MRPL48: variants seen among roughly 807,000 people sequenced by gnomAD.
MRPL48 encodes large ribosomal subunit protein mL48.
Under a neutral mutation model 32.9 loss-of-function variants are expected in MRPL48, and 16 were observed. That is an observed-to-expected ratio of 0.49 (90% CI 0.33 to 0.74). MRPL48 has a LOEUF of 0.74. MRPL48 is among the 30% of genes least tolerant of loss of function. The pLI is 0.02. For missense variants in MRPL48, 206 were observed against 245.3 expected, an observed-to-expected ratio of 0.84 and a Z score of 1.07; for synonymous variants, 94 against 89.2, an observed-to-expected ratio of 1.05 and a Z score of -0.31.
intron 4 of MRPL48, among the ~76,000 whole-genome samples, chr11:73,835,428 C>T (rs955044981): frequency 6.6e-6 from 1 of 152,324 alleles, no homozygotes; most frequent in South Asian, 2.1e-4. Flanking sequence ...GCGTGAGCCA[C>T]CGCGCCCACC....
At chr11:73,816,032 T>C (rs142419598) in intron 3 of MRPL48, among the ~76,000 whole-genome samples, 204 of 151,602 alleles carry the variant, frequency 1.3e-3, no homozygotes, top group African/African-American at 4.9e-3. Flanking sequence ...GGCTTGGAAC[T>C]ACTTTTTATT....
At chr11:73,845,094 T>C (rs1177729130) in intron 5 of MRPL48, 118 bp downstream of exon 5, 1 of 997,630 alleles carries the variant, frequency 1.0e-6, no homozygotes, top group Non-Finnish European at 1.4e-6. Flanking sequence ...TTTTTAGTTA[T>C]ATAATGTACT....
At chr11:73,860,611 ATGATGGG>A (rs923096381) in intron 6 of MRPL48, 1 of 152,244 alleles carries the variant, frequency 6.6e-6, no homozygotes, top group Non-Finnish European at 1.5e-5. Context: ...CCTGCAGATA[ATGATGGG>A]TGCCAACCAC....
intron 4 of MRPL48, among the ~76,000 whole-genome samples, chr11:73,840,895 A>G (rs879590422): frequency 1.3e-5 from 2 of 152,210 alleles, no homozygotes; most frequent in Non-Finnish European, 2.9e-5. Context: ...ACAAAGGATC[A>G]TGTTTAGAAT....
At chr11:73,800,807 T>G (rs1947347425) in intron 1 of MRPL48, among the ~76,000 whole-genome samples, 2 of 149,142 alleles carry the variant, frequency 1.3e-5, no homozygotes, top group African/African-American at 4.9e-5. Context: ...CTTTTTTCTT[T>G]TTCTTTTTTT....
intron 3 of MRPL48, among the ~76,000 whole-genome samples, chr11:73,816,523 T>C (rs905982106): frequency 2.6e-5 from 4 of 152,010 alleles, no homozygotes; most frequent in Non-Finnish European, 5.9e-5. Flanking sequence ...TAGAGAGCAA[T>C]GGCACGATCT....
intron 1 of MRPL48, chr11:73,789,600 T>C (rs1224206846): frequency 6.6e-6 from 1 of 152,242 alleles, no homozygotes; most frequent in African/African-American, 2.4e-5. Context: ...TATTTAACTT[T>C]ACTGCTTCTG....
intron 5 of MRPL48, among the ~76,000 whole-genome samples, chr11:73,847,967 A>G (rs1948324510): frequency 6.6e-6 from 1 of 152,152 alleles, no homozygotes; most frequent in African/African-American, 2.4e-5. Flanking sequence ...ATGTCTTTTG[A>G]AGAGCAGAAG....
At chr11:73,802,741 C>T (rs1365378408) in intron 1 of MRPL48, among the ~76,000 whole-genome samples, 2 of 151,886 alleles carry the variant, frequency 1.3e-5, no homozygotes, top group East Asian at 1.9e-4. Context: ...TTCTGTCACC[C>T]CAGGCCAGAG....
chr11:73,810,813 T>C (rs1044713256), intron 3 of MRPL48, among the ~76,000 whole-genome samples: 3 of 151,956 alleles, frequency 2.0e-5, no homozygotes, highest in Non-Finnish European at 4.4e-5. Context: ...CAGTGTTTGT[T>C]TTTCTGTGGT....
intron 1 of MRPL48, among the ~76,000 whole-genome samples, chr11:73,798,147 G>A (rs1265763212): frequency 6.6e-6 from 1 of 151,866 alleles, no homozygotes; most frequent in Non-Finnish European, 1.5e-5. Flanking sequence ...GCATAATCTC[G>A]GCTCACTGCA....
In MRPL48 at chr11:73,824,738, C is replaced by T. The variant is rs141005997; in HGVS notation, c.113-970C>T. Among the ~76,000 whole-genome samples the T allele has an allele frequency of 4.6e-3, 700 of 152,002 alleles. 3 individuals are homozygous for T. Among genetic ancestry groups the T allele is most frequent in the African/African-American group, 0.016 (669 of 41,462 alleles). ...TTTTCAAAAGAAAAAAAGAAAACCT[C>T]AAAAGGATTATTGCCTGTTGAGGAA... is the stretch of plus-strand genomic sequence containing the variant. On this transcript the variant is annotated intron_variant, in intron 3 of 7. Transcript: ENST00000310614.
At chr11:73,800,802 TTC>T (rs1480437898) in intron 1 of MRPL48, among the ~76,000 whole-genome samples, 1 of 149,928 alleles carries the variant, frequency 6.7e-6, no homozygotes, top group African/African-American at 2.4e-5. Context: ...CAACTCTTTT[TTC>T]TTTTTCTTTT....
intron 4 of MRPL48, among the ~76,000 whole-genome samples, chr11:73,833,610 T>A (rs1948034691): frequency 1.3e-5 from 2 of 152,190 alleles, no homozygotes; most frequent in Admixed American, 1.3e-4. Context: ...CACACATTCC[T>A]CCTATCAGCT....
chr11:73,834,736 T>C (rs1465757177), intron 4 of MRPL48, among the ~76,000 whole-genome samples: 2 of 151,970 alleles, frequency 1.3e-5, no homozygotes, highest in African/African-American at 2.4e-5. Flanking sequence ...GGTTTCACCA[T>C]GTTGGCCAGG....
intron 2 of MRPL48, among the ~76,000 whole-genome samples, chr11:73,805,551 C>T (rs1947434003): frequency 6.6e-6 from 1 of 151,728 alleles, no homozygotes; most frequent in East Asian, 1.9e-4. Context: ...CTGCCTCGGC[C>T]TCCCAAATTG....
intron 4 of MRPL48, among the ~76,000 whole-genome samples, chr11:73,837,425 G>T (rs1948123306): frequency 6.6e-6 from 1 of 152,134 alleles, no homozygotes; most frequent in Non-Finnish European, 1.5e-5. Flanking sequence ...TTATCTCTAA[G>T]ATCCTTTCTG....
intron 3 of MRPL48, 49 bp downstream of exon 3, chr11:73,808,399 A>G: frequency 4.5e-6 from 7 of 1,538,534 alleles, no homozygotes; most frequent in Non-Finnish European, 6.2e-6. Flanking sequence ...GTGACCCTTT[A>G]GCACTCTATA....
chr11:73,859,278 T>C (rs1472293522), intron 5 of MRPL48, among the ~76,000 whole-genome samples: 30 of 150,908 alleles, frequency 2.0e-4, no homozygotes, highest in Admixed American at 1.9e-3. Flanking sequence ...TTTTCTTTTC[T>C]TTTCTTTCTT....
Sources: allele counts gnomAD v4.1 joint callset (sites outside exome capture counted in the v4.1 genomes callset), GRCh38; gene constraint gnomAD v4.1.1; transcripts MANE v1.5; gene names NCBI Gene and HGNC (gene_info 2026-07-23, HGNC 2026-07-21).